ART1: variants seen among roughly 807,000 people sequenced by gnomAD.
The protein encoded by ART1 is GPI-linked NAD(P)(+)--arginine ADP-ribosyltransferase 1.
Under a neutral mutation model 27.0 loss-of-function variants are expected in ART1, and 29 were observed. That is an observed-to-expected ratio of 1.08 (90% CI 0.80 to 1.47). ART1 has a LOEUF of 1.47. ART1 is among the 40% of genes most tolerant of loss of function. The pLI is 0.00. For missense variants in ART1, 480 were observed against 423.0 expected (o/e 1.13, Z -1.18); for synonymous variants, 201 against 172.2 (o/e 1.17, Z -1.31).
chr11:3,658,485 C>T (rs1206180393), intron 1 of ART1, among the ~76,000 whole-genome samples: 1 of 152,180 alleles, frequency 6.6e-6, no homozygotes, highest in Non-Finnish European at 1.5e-5. Flanking sequence ...GTTCCTGCTG[C>T]TTCTCTTAGG....
At chr11:3,655,933 T>TTC (rs1456343136) in intron 1 of ART1, among the ~76,000 whole-genome samples, 38 of 147,250 alleles carry the variant, frequency 2.6e-4, no homozygotes, top group Admixed American at 6.1e-4. Context: ...CAAGTCTTTT[T>TTC]TTTTTTTTTT....
intron 1 of ART1, among the ~76,000 whole-genome samples, chr11:3,655,048 T>G (rs1045814849): frequency 6.6e-6 from 1 of 152,128 alleles, no homozygotes; most frequent in East Asian, 1.9e-4. Context: ...AGGCTCATGG[T>G]CTTTGGGTTG....
intron 1 of ART1, among the ~76,000 whole-genome samples, chr11:3,656,141 C>G (rs1258264704): frequency 2.0e-5 from 3 of 151,858 alleles, no homozygotes; most frequent in Non-Finnish European, 4.4e-5. Context: ...ACCATGTTGG[C>G]CAGTCTGGTT....
At chr11:3,654,803 G>C (rs1327912001) in intron 1 of ART1, among the ~76,000 whole-genome samples, 1 of 151,920 alleles carries the variant, frequency 6.6e-6, no homozygotes, top group Non-Finnish European at 1.5e-5. Context: ...TCCTACCTCT[G>C]TCTGTCCTCA....
chr11:3,647,716 G>A (rs1375935885), intron 1 of ART1, among the ~76,000 whole-genome samples: 1 of 151,980 alleles, frequency 6.6e-6, no homozygotes, highest in Non-Finnish European at 1.5e-5. Flanking sequence ...TGATGAACAT[G>A]TTTATTCCCT....
intron 1 of ART1, among the ~76,000 whole-genome samples, chr11:3,656,940 A>G (rs932065077): frequency 1.3e-4 from 20 of 152,222 alleles, no homozygotes; most frequent in African/African-American, 4.8e-4. Flanking sequence ...GGTAAAAACT[A>G]CTGCTAACCC....
At chr11:3,661,459 G>A in intron 4 of ART1, 46 bp downstream of exon 4, 4 of 1,509,612 alleles carry the variant, frequency 2.6e-6, no homozygotes, top group Non-Finnish European at 3.6e-6. Flanking sequence ...GGATGAGCAG[G>A]CTGCTCTGGG....
chr11:3,655,023 C>G (rs570991500), intron 1 of ART1, among the ~76,000 whole-genome samples: 17 of 152,318 alleles, frequency 1.1e-4, no homozygotes, highest in African/African-American at 3.6e-4. Flanking sequence ...CAGTGGCAAA[C>G]AAACATTTAC....
intron 1 of ART1, among the ~76,000 whole-genome samples, chr11:3,655,043 C>T (rs931465188): frequency 1.3e-5 from 2 of 152,184 alleles, no homozygotes; most frequent in South Asian, 2.1e-4. Flanking sequence ...CTCCCAGGCT[C>T]ATGGTCTTTG....
intron 1 of ART1, among the ~76,000 whole-genome samples, chr11:3,649,099 C>T (rs962562934): frequency 6.6e-6 from 1 of 152,072 alleles, no homozygotes; most frequent in Non-Finnish European, 1.5e-5. Flanking sequence ...GGGTAAGAAC[C>T]CCTGAACCCC....
In ART1 at chr11:3,659,196, T is replaced by G. The variant is rs924068538; in HGVS notation, c.-18T>G. 7 of 1,613,962 alleles carry G rather than the reference T, an allele frequency of 4.3e-6. No individual in the cohort carries two copies. The highest frequency in any genetic ancestry group is 3.4e-6 in the Non-Finnish European group (4 of 1,179,894). ...CTGAGACCCAAAAAGAGACAGCAAC[T>G]GGCCCAGGGTCACCAGCATGCAGAT... On this transcript the variant is annotated 5_prime_UTR_variant, in exon 2 of 5. Transcript: ENST00000250693.
At chr11:3,649,714 C>T (rs1016102756) in intron 1 of ART1, among the ~76,000 whole-genome samples, 3 of 152,184 alleles carry the variant, frequency 2.0e-5, no homozygotes, top group South Asian at 4.1e-4. Flanking sequence ...CCCTCCCCAA[C>T]CTGCCCAGCA....
intron 1 of ART1, among the ~76,000 whole-genome samples, chr11:3,656,413 C>T (rs1019379973): frequency 2.0e-5 from 3 of 151,884 alleles, no homozygotes; most frequent in Admixed American, 6.6e-5. Flanking sequence ...GACGGAGTCT[C>T]GCTCTGTCAC....
At chr11:3,653,213 A>G (rs2077540330) in intron 1 of ART1, among the ~76,000 whole-genome samples, 1 of 148,748 alleles carries the variant, frequency 6.7e-6, no homozygotes, top group Non-Finnish European at 1.5e-5. Context: ...TCTTATTAAT[A>G]TAAGAAGACA....
chr11:3,651,031 T>A (rs557622405), intron 1 of ART1, among the ~76,000 whole-genome samples: 5 of 152,092 alleles, frequency 3.3e-5, no homozygotes, highest in Non-Finnish European at 5.9e-5. Context: ...ATTCCCCCAT[T>A]TTATCCGTCC....
intron 1 of ART1, among the ~76,000 whole-genome samples, chr11:3,646,461 C>T (rs905743803): frequency 2.6e-5 from 4 of 152,138 alleles, no homozygotes; most frequent in Admixed American, 6.5e-5. Flanking sequence ...TGGTTTATCA[C>T]GTGAGACTTG....
In ART1 at chr11:3,659,759, A is replaced by G. The variant is rs371803636; in HGVS notation, c.240A>G (p.Thr80=). The G allele has an allele frequency of 6.3e-5, 102 of 1,613,612 alleles. No homozygotes were observed. The highest frequency in any genetic ancestry group is 8.3e-5 in the Non-Finnish European group (98 of 1,179,896). ...ACCAGGTGTATGCAGACAGCTGGAC[A>G]CTGGCAAGCAGCCAATGGCAGGAGC... ...QANQVYADSW[T]LASSQWQERQ... Residue 80 remains threonine, a synonymous_variant, in exon 3 of 5, where the codon ACA becomes ACG. Transcript: ENST00000250693.
In ART1 at chr11:3,659,599, T is replaced by C; in HGVS notation, c.80T>C (p.Ile27Thr). Residue 27 changes from isoleucine (I) to threonine (T), a missense_variant, in exon 3 of 5, where the codon ATC becomes ACC. Coordinates refer to ENST00000250693, the MANE Select transcript of ART1 (RefSeq NM_004314.3). ...MEALQAQSHP[I>T]TRRDLFSQEI... ...TCCCCTCAGGCCCAGAGCCACCCCA[T>C]CACACGACGAGACCTCTTCTCTCAA... 3.1e-6 allele frequency: 5 copies of C among 1,604,318 alleles called. No homozygotes were observed. Among genetic ancestry groups the C allele is most frequent in the Non-Finnish European group, 3.4e-6 (4 of 1,176,376 alleles).
intron 4 of ART1, among the ~76,000 whole-genome samples, chr11:3,661,638 A>G (rs2077621847): frequency 6.6e-6 from 1 of 152,044 alleles, no homozygotes; most frequent in Admixed American, 6.6e-5. Context: ...CTGGGATTAC[A>G]GGCGCATGCC....
Sources: allele counts gnomAD v4.1 joint callset (sites outside exome capture counted in the v4.1 genomes callset), GRCh38; gene constraint gnomAD v4.1.1; transcripts MANE v1.5; gene names NCBI Gene and HGNC (gene_info 2026-07-23, HGNC 2026-07-21).